FAM110B: variants seen among roughly 807,000 people sequenced by gnomAD.
The protein encoded by FAM110B is protein FAM110B.
Under a neutral mutation model 20.4 loss-of-function variants are expected in FAM110B, and 6 were observed. That is an observed-to-expected ratio of 0.29 (90% CI 0.16 to 0.58). The LOEUF (loss-of-function observed/expected upper bound fraction) is 0.58. Among genes scored for constraint, FAM110B ranks in the 20% least tolerant of loss-of-function variants. The pLI, the probability that FAM110B is intolerant of heterozygous loss-of-function variation, is 0.90. For missense variants in FAM110B, 434 were observed against 498.2 expected (o/e 0.87, Z 1.23); for synonymous variants, 226 against 214.1 (o/e 1.06, Z -0.49).
chr8:58,122,018 C>T (rs549135190), intron 3 of FAM110B, among the ~76,000 whole-genome samples: 10 of 152,284 alleles, frequency 6.6e-5, no homozygotes, highest in African/African-American at 2.4e-4. Flanking sequence ...TGTAAGCCTC[C>T]TAAGTAAAGG....
At chr8:58,050,487 T>C (rs1805417663) in intron 2 of FAM110B, among the ~76,000 whole-genome samples, 1 of 152,166 alleles carries the variant, frequency 6.6e-6, no homozygotes, top group African/African-American at 2.4e-5. Flanking sequence ...AGGAATCTGC[T>C]CCTGAGCTCA....
Position 58,061,343 on chromosome 8 carries a change from GGC to G in FAM110B, c.-413-14189_-413-14188del, listed in dbSNP as rs1207308457. 2.6e-5 allele frequency among the ~76,000 whole-genome samples: 4 copies of G among 152,154 alleles called. No homozygotes were observed. In the South Asian group the frequency reaches 6.2e-4, roughly 24 times the overall value. Reference sequence around the variant, plus strand: ...TCTTCCTATTACAGAATATTTCTGTGGCGCTACTTTAAAAGCCTTCTATATAA... The same window carrying G: ...TCTTCCTATTACAGAATATTTCTGTGGCTACTTTAAAAGCCTTCTATATAA... On this transcript the variant is annotated intron_variant, in intron 2 of 3. Transcript: ENST00000519262.
intron 2 of FAM110B, among the ~76,000 whole-genome samples, chr8:58,049,052 T>C (rs535408562): frequency 6.6e-6 from 1 of 152,336 alleles, no homozygotes; most frequent in East Asian, 1.9e-4. Flanking sequence ...TAAACTATAA[T>C]GGTGATTATT....
intron 2 of FAM110B, among the ~76,000 whole-genome samples, chr8:58,037,991 G>A (rs1216569497): frequency 6.6e-6 from 1 of 152,092 alleles, no homozygotes; most frequent in Admixed American, 6.5e-5. Flanking sequence ...ACACAAGCAG[G>A]GACTGTCTGG....
rs991867036 is a variant in FAM110B, at chr8:58,147,522, A to G, written c.*179A>G. The G allele has an allele frequency of 9.4e-5, 71 of 755,060 alleles. No individual in the cohort carries two copies. In the African/African-American group the frequency reaches 1.1e-3, roughly 11 times the overall value. 46.8% of individuals were successfully genotyped at this position (755,060 alleles called of 1,614,324 possible). A position where few individuals can be genotyped will look rare whatever the true frequency, so the allele number is the denominator to read the frequency against. On this transcript the variant is annotated 3_prime_UTR_variant, in exon 4 of 4. Coordinates refer to ENST00000519262, the MANE Select transcript of FAM110B (RefSeq NM_001377989.1). Reference sequence around the variant, plus strand: ...CTGGCTTCCACGTCACCATCGCTACAGAGCCTGGCTGAACACGCGTCATCT... The same window carrying G: ...CTGGCTTCCACGTCACCATCGCTACGGAGCCTGGCTGAACACGCGTCATCT...
chr8:58,096,595 T>C (rs1017813208), intron 3 of FAM110B, among the ~76,000 whole-genome samples: 1 of 152,226 alleles, frequency 6.6e-6, no homozygotes, highest in African/African-American at 2.4e-5. Flanking sequence ...TGATGCTAGC[T>C]GGTTATTTTG....
chr8:58,026,528 C>T (rs552994227), intron 1 of FAM110B, among the ~76,000 whole-genome samples: 2 of 152,112 alleles, frequency 1.3e-5, no homozygotes, highest in African/African-American at 4.8e-5. Context: ...TCATTATCAA[C>T]CTTGAATCAT....
At chr8:58,053,807 A>T (rs1023541869) in intron 2 of FAM110B, among the ~76,000 whole-genome samples, 3 of 152,160 alleles carry the variant, frequency 2.0e-5, no homozygotes, top group Admixed American at 1.3e-4. Flanking sequence ...CACTTAAAAA[A>T]TTTTTCTGTT....
chr8:58,042,962 A>G (rs566990345), intron 2 of FAM110B, among the ~76,000 whole-genome samples: 1 of 152,318 alleles, frequency 6.6e-6, no homozygotes, highest in South Asian at 2.1e-4. Context: ...CTTCTCTCTC[A>G]TAGCACCAGG....
At chr8:58,061,181 C>T (rs565561386) in intron 2 of FAM110B, among the ~76,000 whole-genome samples, 3 of 152,206 alleles carry the variant, frequency 2.0e-5, no homozygotes, top group African/African-American at 4.8e-5. Context: ...TGGGAGAAGA[C>T]GGTTAAAATT....
At chr8:58,105,477 G>C (rs1806883101) in intron 3 of FAM110B, among the ~76,000 whole-genome samples, 1 of 150,736 alleles carries the variant, frequency 6.6e-6, no homozygotes, top group Non-Finnish European at 1.5e-5. Flanking sequence ...AGTTTGCATT[G>C]AGCCATGATC....
intron 2 of FAM110B, among the ~76,000 whole-genome samples, chr8:58,052,358 G>A (rs1400756590): frequency 1.3e-5 from 2 of 152,164 alleles, no homozygotes; most frequent in Admixed American, 6.5e-5. Context: ...ATAGAAAGCA[G>A]TATAGAGATG....
At chr8:58,012,280 A>G (rs556613101) in intron 1 of FAM110B, among the ~76,000 whole-genome samples, 1 of 151,412 alleles carries the variant, frequency 6.6e-6, no homozygotes, top group Non-Finnish European at 1.5e-5. Flanking sequence ...TTGTTGAAAT[A>G]TCTCACATAT....
chr8:58,059,908 A>G (rs901272571), intron 2 of FAM110B, among the ~76,000 whole-genome samples: 1 of 152,028 alleles, frequency 6.6e-6, no homozygotes, highest in African/African-American at 2.4e-5. Flanking sequence ...TCAGATTGAT[A>G]TTTTTGGTGT....
At chr8:58,094,093 G>A (rs1806560413) in intron 3 of FAM110B, among the ~76,000 whole-genome samples, 1 of 152,160 alleles carries the variant, frequency 6.6e-6, no homozygotes, top group Admixed American at 6.5e-5. Flanking sequence ...TTTACACATT[G>A]ATTTTGTATT....
chr8:58,075,767 A>T (rs1023495394), intron 3 of FAM110B, 144 bp downstream of exon 3: 2 of 152,174 alleles, frequency 1.3e-5, no homozygotes, highest in Non-Finnish European at 2.9e-5. Context: ...ATAAATATTT[A>T]AAAAATAAAA....
chr8:58,127,741 C>G (rs1807546620), intron 3 of FAM110B, among the ~76,000 whole-genome samples: 1 of 151,958 alleles, frequency 6.6e-6, no homozygotes, highest in African/African-American at 2.4e-5. Context: ...AAAAATAAAT[C>G]TAATAAAACA....
chr8:58,046,380 G>A (rs551160278), intron 2 of FAM110B, among the ~76,000 whole-genome samples: 10 of 152,282 alleles, frequency 6.6e-5, no homozygotes, highest in African/African-American at 2.4e-4. Flanking sequence ...TTGTCATTCT[G>A]AAGAGTGCCC....
At chr8:58,009,471 A>G (rs946440705) in intron 1 of FAM110B, among the ~76,000 whole-genome samples, 4 of 152,240 alleles carry the variant, frequency 2.6e-5, no homozygotes, top group Non-Finnish European at 4.4e-5. Flanking sequence ...AAAGTGTAAG[A>G]ACATGCCAGA....
Sources: allele counts gnomAD v4.1 joint callset (sites outside exome capture counted in the v4.1 genomes callset), GRCh38; gene constraint gnomAD v4.1.1; transcripts MANE v1.5; gene names NCBI Gene and HGNC (gene_info 2026-07-23, HGNC 2026-07-21).